KCNK9: variants seen among roughly 807,000 people sequenced by gnomAD.
The protein encoded by KCNK9 is potassium channel subfamily K member 9.
A neutral mutation model predicts 10.8 loss-of-function variants in KCNK9; 1 was observed. The ratio of observed to expected loss-of-function variants is 0.09; its 90% CI spans 0.03 to 0.44. The LOEUF (loss-of-function observed/expected upper bound fraction) is 0.44. Ranked by LOEUF, KCNK9 falls within the 20% of genes least tolerant of loss-of-function variation. KCNK9 has a pLI of 0.97. For synonymous variants in KCNK9, 231 were observed against 222.7 expected, an observed-to-expected ratio of 1.04 and a Z score of -0.33; for missense variants, 303 against 515.0, an observed-to-expected ratio of 0.59 and a Z score of 3.98.
At chr8:139,609,001 C>T (rs1015726817), downstream of KCNK9, among the ~76,000 whole-genome samples, 5 of 151,716 alleles carry the variant, frequency 3.3e-5, no homozygotes, top group African/African-American at 4.8e-5. Context: ...CCCCCACCCC[C>T]GCGTATGTAT....
intron 1 of KCNK9, among the ~76,000 whole-genome samples, chr8:139,699,955 G>A (rs2129819629): frequency 6.6e-6 from 1 of 152,194 alleles, no homozygotes; most frequent in African/African-American, 2.4e-5. Context: ...AAATCAAAAC[G>A]CCAATGAAGA....
chr8:139,608,380 C>A (rs1482470098), downstream of KCNK9, among the ~76,000 whole-genome samples: 2 of 152,236 alleles, frequency 1.3e-5, no homozygotes, highest in African/African-American at 4.8e-5. Context: ...TTCCACCCCC[C>A]AATCCTTCCA....
At chr8:139,624,881 T>G (rs2542422) in intron 1 of KCNK9, among the ~76,000 whole-genome samples, 110,328 of 152,122 alleles carry the variant, frequency 0.73, 41,301 homozygotes, top group African/African-American at 0.93. Context: ...TGTAAAAATG[T>G]CAAAGCCCAC....
intron 1 of KCNK9, among the ~76,000 whole-genome samples, chr8:139,691,143 C>T (rs1015779533): frequency 6.6e-6 from 1 of 152,180 alleles, no homozygotes; most frequent in Non-Finnish European, 1.5e-5. Flanking sequence ...CTGGGTCAGA[C>T]TGACAAGGCA....
chr8:139,662,906 G>C (rs1337842416), intron 1 of KCNK9, among the ~76,000 whole-genome samples: 1 of 151,550 alleles, frequency 6.6e-6, no homozygotes, highest in Non-Finnish European at 1.5e-5. Context: ...TCTCAGGCTA[G>C]GAGCTTCCTG....
Position 139,702,344 on chromosome 8 carries a change from G to A in KCNK9, c.283+366C>T, listed in dbSNP as rs1319702618. On this transcript the variant is annotated intron_variant, in intron 1 of 1. Transcript: ENST00000520439. This position sits in a 1 kb window ranked among gnomAD's most constrained non-coding sequence, Gnocchi z 7.5. ...TAGTAAGTGTAAGGCTCAGAGCCCC[G>A]CGCAGCCCAGCCCGCGCCGGGGCGG... Among the ~76,000 whole-genome samples, 1 of 152,182 alleles carries A rather than the reference G, an allele frequency of 6.6e-6. No homozygotes were observed. The highest frequency in any genetic ancestry group is 1.9e-4 in the East Asian group (1 of 5,166).
At chr8:139,604,973 C>T (rs1199831452) in intron 2 of KCNK9, among the ~76,000 whole-genome samples, 1 of 152,230 alleles carries the variant, frequency 6.6e-6, no homozygotes, top group East Asian at 1.9e-4. Context: ...TGGAAATGCA[C>T]CTTCTCAGCC....
At chr8:139,646,553 G>A (rs61320465) in intron 1 of KCNK9, among the ~76,000 whole-genome samples, 304 of 152,348 alleles carry the variant, frequency 2.0e-3, no homozygotes, top group African/African-American at 6.9e-3. Flanking sequence ...CCCAGAAGCA[G>A]TCTCTTACAC....
exon 3 of KCNK9, chr8:139,601,272 G>A (rs1401239404): frequency 6.6e-6 from 1 of 152,202 alleles, no homozygotes; most frequent in Admixed American, 6.5e-5. Context: ...TCTGTGGCCC[G>A]GCCTTTAAGA....
chr8:139,615,662 TAGG>T (rs1814567747), downstream of KCNK9, among the ~76,000 whole-genome samples: 1 of 151,814 alleles, frequency 6.6e-6, no homozygotes, highest in Non-Finnish European at 1.5e-5. Context: ...AGAGAAGACA[TAGG>T]AGGGAAATAG....
downstream of KCNK9, among the ~76,000 whole-genome samples, chr8:139,616,224 G>T (rs1468922622): frequency 1.3e-5 from 2 of 152,166 alleles, no homozygotes; most frequent in Non-Finnish European, 2.9e-5. Flanking sequence ...AAAGCATTCT[G>T]CAAATGCATT....
In KCNK9 at chr8:139,618,430, AAGG is replaced by A. The variant is rs768577329; in HGVS notation, c.950_952del (p.Ser317del). 2.5e-6 allele frequency: 4 copies of A among 1,613,994 alleles called. No homozygotes were observed. Among genetic ancestry groups the A allele is most frequent in the Non-Finnish European group, 3.4e-6 (4 of 1,180,018 alleles). On this transcript the variant is annotated inframe_deletion, in exon 2 of 2. Transcript: ENST00000520439. The surrounding 1 kb of genome is among the most constrained non-coding windows in gnomAD (Gnocchi z 7.9). The stretch of plus-strand genomic sequence containing the variant: ...GTAGTGGGGGGCAAGCTTGGCGCTG[AAGG>A]AGTTCTGCGGTGCCACCGAGCGGCC...
chr8:139,625,693 C>T (rs914689684), intron 1 of KCNK9, among the ~76,000 whole-genome samples: 2 of 149,318 alleles, frequency 1.3e-5, no homozygotes, highest in African/African-American at 5.0e-5. Flanking sequence ...AAGCAGCCTT[C>T]ATCTCTCTGC....
At chr8:139,660,447 A>ATATATATATATATATAT (rs34791987) in intron 1 of KCNK9, among the ~76,000 whole-genome samples, 3 of 128,970 alleles carry the variant, frequency 2.3e-5, no homozygotes, top group African/African-American at 1.0e-4. Context: ...CTGCTAAAAA[A>ATATATATATATATATAT]AAATATATAT....
At chr8:139,644,798 C>T (rs1815624619) in intron 1 of KCNK9, among the ~76,000 whole-genome samples, 2 of 151,392 alleles carry the variant, frequency 1.3e-5, no homozygotes, top group African/African-American at 4.8e-5. Context: ...AGGCACTGAC[C>T]GGGCTTCAGG....
chr8:139,633,221 C>T lies in KCNK9; in HGVS notation c.284-14122G>A, dbSNP rs144865665. Reference sequence around the variant, plus strand: ...ATGCTTACATACATACAGATATGCTCACACACACATCTGGCCTGAGGCATG... The same window carrying T: ...ATGCTTACATACATACAGATATGCTTACACACACATCTGGCCTGAGGCATG... On this transcript the variant is annotated intron_variant, in intron 1 of 1. Transcript: ENST00000520439. Among the ~76,000 whole-genome samples, 943 of 152,258 alleles carry T rather than the reference C, an allele frequency of 6.2e-3. 6 individuals are homozygous for T. The highest frequency in any genetic ancestry group is 9.5e-3 in the Non-Finnish European group (649 of 68,024).
At chr8:139,619,844 C>T (rs976682807) in intron 1 of KCNK9, among the ~76,000 whole-genome samples, 1 of 152,198 alleles carries the variant, frequency 6.6e-6, no homozygotes, top group Non-Finnish European at 1.5e-5. Flanking sequence ...GTTTTGTTCG[C>T]TGCTGTATTC....
rs994408370 is a variant in KCNK9, at chr8:139,668,774, C to T, written c.283+33936G>A. 3.3e-5 allele frequency among the ~76,000 whole-genome samples: 5 copies of T among 152,208 alleles called. No homozygotes were observed. In the East Asian group the frequency reaches 7.7e-4, roughly 23 times the overall value. On this transcript the variant is annotated intron_variant, in intron 1 of 1. Coordinates refer to ENST00000520439, the MANE Select transcript of KCNK9 (RefSeq NM_001282534.2). ...GAAACAAACACATTTGTGTGACTCC[C>T]TTTATTGCAATCTTCACTTTCTCGT...
Position 139,618,014 on chromosome 8 carries a change from G to A in KCNK9, c.*244C>T, listed in dbSNP as rs1814653483. 1.9e-6 allele frequency: 1 copy of A among 529,262 alleles called. No individual in the cohort carries two copies. Among genetic ancestry groups the A allele is most frequent in the Admixed American group, 3.2e-5 (1 of 31,474 alleles). The allele number at this position is 529,262 out of a possible 1,614,324, so 32.8% of individuals were successfully genotyped here. ...ATAGTCTGCTGGGAAGGAAGGAGGA[G>A]ATCCATGCTTCATGCTCAGATGTGA... is the stretch of plus-strand genomic sequence containing the variant. On this transcript the variant is annotated 3_prime_UTR_variant, in exon 2 of 2. Coordinates refer to ENST00000520439, the MANE Select transcript of KCNK9 (RefSeq NM_001282534.2). The surrounding 1 kb of genome is among the most constrained non-coding windows in gnomAD (Gnocchi z 7.9).
Sources: gnomAD v4.1 joint callset for allele counts (sites outside exome capture counted in the v4.1 genomes callset) on GRCh38, gnomAD v4.1.1 for gene constraint, Gnocchi (gnomAD v3.1) non-coding constraint, MANE v1.5 for transcripts, NCBI Gene and HGNC (gene_info 2026-07-23, HGNC 2026-07-21) for gene names.